PLEKHF2: variants seen among roughly 807,000 people sequenced by gnomAD.
PLEKHF2 encodes pleckstrin homology and FYVE domain containing 2, also known as pleckstrin homology domain-containing family F member 2.
PLEKHF2 carries 4 observed loss-of-function variants against 14.7 expected under a neutral mutation model. The observed-to-expected ratio is 0.27, with a 90% CI of 0.13 to 0.62. PLEKHF2 has a LOEUF of 0.62. PLEKHF2 is among the 20% of genes least tolerant of loss of function. The pLI, the probability that PLEKHF2 is intolerant of heterozygous loss-of-function variation, is 0.85. For missense variants in PLEKHF2, 201 were observed against 307.7 expected, an observed-to-expected ratio of 0.65 and a Z score of 2.60; for synonymous variants, 90 against 103.5, an observed-to-expected ratio of 0.87 and a Z score of 0.79.
intron 1 of PLEKHF2, among the ~76,000 whole-genome samples, chr8:95,139,756 T>C (rs1305266063): frequency 1.3e-5 from 2 of 152,284 alleles, no homozygotes; most frequent in East Asian, 3.9e-4. Context: ...GGTTAAATTT[T>C]TGTGGGTAAA....
At chr8:95,137,127 G>T (rs1344614031) in intron 1 of PLEKHF2, among the ~76,000 whole-genome samples, 1 of 152,238 alleles carries the variant, frequency 6.6e-6, no homozygotes, top group Non-Finnish European at 1.5e-5. Flanking sequence ...TTGCTGGCTT[G>T]TGACTCTTGA....
At chr8:95,138,039 G>A (rs1332332144) in intron 1 of PLEKHF2, among the ~76,000 whole-genome samples, 2 of 152,002 alleles carry the variant, frequency 1.3e-5, no homozygotes, top group African/African-American at 4.8e-5. Flanking sequence ...AGACCACATA[G>A]TCCCTCCTCT....
chr8:95,151,155 A>G (rs1810558165), intron 1 of PLEKHF2, among the ~76,000 whole-genome samples: 1 of 152,144 alleles, frequency 6.6e-6, no homozygotes, highest in African/African-American at 2.4e-5. Context: ...TTTGGGGGAC[A>G]ATAAAAACTT....
At chr8:95,146,421 A>G (rs1810501043) in intron 1 of PLEKHF2, among the ~76,000 whole-genome samples, 1 of 152,102 alleles carries the variant, frequency 6.6e-6, no homozygotes, top group Non-Finnish European at 1.5e-5. Context: ...TAAGGATGAG[A>G]TAAGAAGTAT....
chr8:95,147,192 T>C (rs1810508156), intron 1 of PLEKHF2, among the ~76,000 whole-genome samples: 1 of 152,054 alleles, frequency 6.6e-6, no homozygotes. Flanking sequence ...TTTATTGTAA[T>C]TAAAAAATGG....
chr8:95,156,403 A>G lies in PLEKHF2; in HGVS notation c.*1609A>G, dbSNP rs1810620074. 1 of 167,046 alleles carries G rather than the reference A, an allele frequency of 6.0e-6. No individual in the cohort carries two copies. The highest frequency in any genetic ancestry group is 2.4e-5 in the African/African-American group (1 of 41,452). The allele number at this position is 167,046 out of a possible 1,614,324, so 10.3% of individuals were successfully genotyped here. A position where few individuals can be genotyped will look rare whatever the true frequency, so the allele number is the denominator to read the frequency against. On this transcript the variant is annotated 3_prime_UTR_variant, in exon 2 of 2. Coordinates refer to ENST00000315367, the MANE Select transcript of PLEKHF2 (RefSeq NM_024613.4). ...CAAATCTCCCTGTAGGAAATGTGAAAGAAAAGCACAACAAAACTAGGGTTT... is the reference window on the plus strand; with the variant it reads ...CAAATCTCCCTGTAGGAAATGTGAAGGAAAAGCACAACAAAACTAGGGTTT...
At chr8:95,134,270 G>C (rs1274941368) in intron 1 of PLEKHF2, 1 of 149,688 alleles carries the variant, frequency 6.7e-6, no homozygotes, top group East Asian at 1.9e-4. Flanking sequence ...CCGCCAGCCC[G>C]GGAGCGAGCC....
chr8:95,149,571 T>C (rs528184924), intron 1 of PLEKHF2, among the ~76,000 whole-genome samples: 1 of 152,190 alleles, frequency 6.6e-6, no homozygotes, highest in South Asian at 2.1e-4. Context: ...ATACCATATG[T>C]AGGACAAGAT....
chr8:95,146,760 G>A (rs12334474), intron 1 of PLEKHF2, among the ~76,000 whole-genome samples: 12,215 of 151,478 alleles, frequency 0.081, 672 homozygotes, highest in African/African-American at 0.14. Context: ...TAATTTTTAC[G>A]TTTTAACTGT....
rs538609983 is a variant in PLEKHF2, at chr8:95,142,366, C to T, written c.-15+8336C>T. 3.3e-5 allele frequency among the ~76,000 whole-genome samples: 5 copies of T among 152,142 alleles called. No homozygotes were observed. In the East Asian group the frequency reaches 5.8e-4, roughly 18 times the overall value. On this transcript the variant is annotated intron_variant, in intron 1 of 1. Coordinates refer to ENST00000315367, the MANE Select transcript of PLEKHF2 (RefSeq NM_024613.4). ...GCCCCCCAGGCTCAAGCTGTCCTCC[C>T]GCCTCAGCCTCCCGAGTAGCTGGGA... is the stretch of plus-strand genomic sequence containing the variant.
At position 95,154,582 on chromosome 8, in the gene PLEKHF2, TTTG is replaced by T; in HGVS notation, c.543_545del (p.Val182del). On this transcript the variant is annotated inframe_deletion, in exon 2 of 2. Coordinates refer to ENST00000315367, the MANE Select transcript of PLEKHF2 (RefSeq NM_024613.4). The surrounding 1 kb of genome is among the most constrained non-coding windows in gnomAD (Gnocchi z 5.6). ...TCGCCACCATTGCCGCAAATGTGGT[TTTG>T]TTGTCTGTGGGCCCTGCTCTGAAAA... is the stretch of plus-strand genomic sequence containing the variant. 6.2e-7 allele frequency: 1 copy of T among 1,614,086 alleles called. No homozygotes were observed. Among genetic ancestry groups the T allele is most frequent in the Non-Finnish European group, 8.5e-7 (1 of 1,179,976 alleles).
intron 1 of PLEKHF2, among the ~76,000 whole-genome samples, chr8:95,138,896 A>G (rs1192029953): frequency 6.6e-6 from 1 of 152,172 alleles, no homozygotes; most frequent in Non-Finnish European, 1.5e-5. Context: ...AACTTTGTAC[A>G]CTTTTAATTT....
At chr8:95,150,998 T>G (rs938498067) in intron 1 of PLEKHF2, among the ~76,000 whole-genome samples, 9 of 152,234 alleles carry the variant, frequency 5.9e-5, no homozygotes, top group Non-Finnish European at 1.3e-4. Context: ...GGAAATACAG[T>G]AATAAGTGCA....
Position 95,154,096 on chromosome 8 carries a change from G to A in PLEKHF2, c.52G>A (p.Val18Met). The A allele has an allele frequency of 3.1e-6, 5 of 1,613,720 alleles. No homozygotes were observed. Among genetic ancestry groups the A allele is most frequent in the Non-Finnish European group, 4.2e-6 (5 of 1,179,822 alleles). The change falls in exon 2 of 2, where the codon GTG (valine) becomes ATG (methionine). Residue 18 changes from valine to methionine, a missense_variant. Transcript: ENST00000315367. The surrounding 1 kb of genome is among the most constrained non-coding windows in gnomAD (Gnocchi z 5.6). ...SEANTRRISI[V>M]ENCFGAAGQP... The stretch of plus-strand genomic sequence containing the variant: ...AGCAAATACTAGACGTATAAGTATA[G>A]TGGAAAACTGTTTTGGAGCAGCTGG...
intron 1 of PLEKHF2, among the ~76,000 whole-genome samples, chr8:95,138,422 AAC>A (rs1489352658): frequency 7.8e-6 from 1 of 127,978 alleles, no homozygotes; most frequent in African/African-American, 3.0e-5. Flanking sequence ...TCATTTAAAC[AAC>A]AGTTGGGGAA....
intron 1 of PLEKHF2, among the ~76,000 whole-genome samples, chr8:95,153,166 T>C (rs1392011122): frequency 6.6e-6 from 1 of 152,112 alleles, no homozygotes; most frequent in African/African-American, 2.4e-5. Flanking sequence ...TTGGTAAAAG[T>C]GAAGCTAGAA....
At chr8:95,147,265 G>A (rs1398183169) in intron 1 of PLEKHF2, among the ~76,000 whole-genome samples, 1 of 151,954 alleles carries the variant, frequency 6.6e-6, no homozygotes, top group Non-Finnish European at 1.5e-5. Flanking sequence ...CCGGTGCACA[G>A]GTCTTACCCT....
In PLEKHF2 at chr8:95,154,454, G is replaced by T. The variant is rs370849849; in HGVS notation, c.410G>T (p.Ser137Ile). The part of the protein sequence containing the change: ...NKCVTDLLSK[S>I]GKTPSNEHAA... The stretch of plus-strand genomic sequence containing the variant: ...TGTGTTACTGATTTACTCTCCAAAA[G>T]TGGGAAGACACCCAGTAATGAACAT... Residue 137 changes from serine to isoleucine, a missense_variant, in exon 2 of 2, where the codon AGT becomes ATT. Ser to Ile is a moderately radical substitution (Grantham distance 142, BLOSUM62 -2). Coordinates refer to ENST00000315367, the MANE Select transcript of PLEKHF2 (RefSeq NM_024613.4). The surrounding 1 kb of genome is among the most constrained non-coding windows in gnomAD (Gnocchi z 5.6). The T allele has an allele frequency of 5.0e-6, 8 of 1,613,984 alleles. No homozygotes were observed. The highest frequency in any genetic ancestry group is 6.8e-6 in the Non-Finnish European group (8 of 1,179,950).
At chr8:95,139,531 C>T (rs1168436034) in intron 1 of PLEKHF2, among the ~76,000 whole-genome samples, 1 of 151,822 alleles carries the variant, frequency 6.6e-6, no homozygotes, top group African/African-American at 2.4e-5. Context: ...AAATGTTGAC[C>T]CTTTGCCATA....
Sources: gnomAD v4.1 joint callset for allele counts (sites outside exome capture counted in the v4.1 genomes callset) on GRCh38, gnomAD v4.1.1 for gene constraint, Gnocchi (gnomAD v3.1) non-coding constraint, MANE v1.5 for transcripts, NCBI Gene and HGNC (gene_info 2026-07-23, HGNC 2026-07-21) for gene names.